CLEC16A: variants seen among roughly 807,000 people sequenced by gnomAD.
CLEC16A encodes protein CLEC16A.
CLEC16A carries 51 observed loss-of-function variants against 109.5 expected under a neutral mutation model. The observed-to-expected ratio is 0.47, with a 90% CI of 0.37 to 0.59. The LOEUF (loss-of-function observed/expected upper bound fraction) is 0.59, where lower values mean the gene tolerates loss of function less well. CLEC16A is among the 20% of genes least tolerant of loss of function. The pLI is 0.00. For synonymous variants in CLEC16A, 673 were observed against 564.2 expected (o/e 1.19, Z -2.73); for missense variants, 1,339 against 1,394.0 (o/e 0.96, Z 0.63).
intron 10 of CLEC16A, among the ~76,000 whole-genome samples, chr16:10,993,761 G>T (rs1254301170): frequency 6.6e-6 from 1 of 152,170 alleles, no homozygotes; most frequent in Non-Finnish European, 1.5e-5. Context: ...AGTGTGAGAT[G>T]CCTCATTTTG....
rs199750108 is a variant in CLEC16A at position 11,051,599 on chromosome 16, C to A, written c.1953C>A (p.Phe651Leu). ...PTGTPLTGIDFVKRLPCGDVE... is the reference protein window; with the variant it reads ...PTGTPLTGIDLVKRLPCGDVE... ...GCACGCCACTGACGGGCATTGACTT[C>A]GTGAAGCGGCTGCCGTGTGGCGATG... The change falls in exon 18 of 24, where the codon TTC becomes TTA. Residue 651 changes from phenylalanine (F) to leucine (L), a missense_variant. Phe to Leu is a conservative substitution (Grantham distance 22, BLOSUM62 0). Around this residue, in one of 3 missense-constraint regions of CLEC16A, gnomAD observed 1,061 missense variants for 1,006.8 expected, o/e 1.05. Transcript: ENST00000409790. 2.5e-6 allele frequency: 4 copies of A among 1,614,048 alleles called. No individual in the cohort carries two copies. Among genetic ancestry groups the A allele is most frequent in the Non-Finnish European group, 3.4e-6 (4 of 1,179,892 alleles).
intron 5 of CLEC16A, 77 bp downstream of exon 5, chr16:10,971,307 C>T (rs1010955983): frequency 2.8e-6 from 3 of 1,071,276 alleles, no homozygotes; most frequent in Non-Finnish European, 4.2e-6. Flanking sequence ...TGTGTGCGTA[C>T]AGTTCTCCGA....
intron 1 of CLEC16A, among the ~76,000 whole-genome samples, chr16:10,946,309 G>C (rs1050566465): frequency 6.6e-6 from 1 of 152,204 alleles, no homozygotes; most frequent in Admixed American, 6.5e-5. Flanking sequence ...CCCCGGGAGT[G>C]GGGTAGGGGT....
intron 22 of CLEC16A, among the ~76,000 whole-genome samples, chr16:11,129,182 A>G (rs1433182407): frequency 1.3e-5 from 2 of 152,240 alleles, no homozygotes; most frequent in Admixed American, 6.5e-5. Context: ...CTTAAAAAGT[A>G]TTACAGAACT....
At chr16:11,050,892 C>T (rs1211172914) in intron 17 of CLEC16A, among the ~76,000 whole-genome samples, 1 of 152,188 alleles carries the variant, frequency 6.6e-6, no homozygotes, top group Non-Finnish European at 1.5e-5. Context: ...AAACATTGGT[C>T]CTAGGGTGGG....
chr16:11,107,590 A>G (rs1433857614), intron 19 of CLEC16A, among the ~76,000 whole-genome samples: 1 of 152,130 alleles, frequency 6.6e-6, no homozygotes, highest in African/African-American at 2.4e-5. Context: ...AGTGTCCTGG[A>G]TTATGAAGTC....
intron 19 of CLEC16A, among the ~76,000 whole-genome samples, chr16:11,093,176 T>C (rs945275243): frequency 5.3e-5 from 8 of 152,208 alleles, no homozygotes; most frequent in African/African-American, 1.2e-4. Context: ...TCATCTCTTA[T>C]GAATTCAGCT....
rs757475052 is a variant in CLEC16A, at chr16:10,979,309, C to T, written c.904-20C>T. The T allele has an allele frequency of 1.2e-6, 2 of 1,608,842 alleles. No homozygotes were observed. ...TGTGTGACCTGATCTCTCTCTCTCT[C>T]TCCTGCCACCCTGCACTAGGGAGGA... On this transcript the variant is annotated intron_variant, in intron 8 of 23. Coordinates refer to ENST00000409790, the MANE Select transcript of CLEC16A (RefSeq NM_015226.3).
intron 18 of CLEC16A, among the ~76,000 whole-genome samples, chr16:11,058,867 C>T (rs2048342318): frequency 1.3e-5 from 2 of 152,202 alleles, no homozygotes; most frequent in Admixed American, 1.3e-4. Flanking sequence ...AAATGAGCGT[C>T]TCCTTGACTT....
At chr16:11,126,298 C>T (rs961318531) in intron 22 of CLEC16A, 152 bp downstream of exon 22, 13 of 1,536,744 alleles carry the variant, frequency 8.5e-6, no homozygotes, top group African/African-American at 2.8e-5. Flanking sequence ...CAAAGCACAG[C>T]GCAAGATTAA....
At chr16:11,077,963 ACGTGTGTGT>A (rs892014718) in intron 19 of CLEC16A, among the ~76,000 whole-genome samples, 5 of 122,136 alleles carry the variant, frequency 4.1e-5, no homozygotes, top group African/African-American at 1.4e-4. Context: ...ACAAAAAAAA[ACGTGTGTGT>A]GTGTGTGTGT....
At chr16:11,111,391 C>T (rs911078629) in intron 19 of CLEC16A, among the ~76,000 whole-genome samples, 4 of 152,176 alleles carry the variant, frequency 2.6e-5, no homozygotes, top group Non-Finnish European at 5.9e-5. Flanking sequence ...GGCTTCCTCA[C>T]AACATGGTGG....
At chr16:10,967,965 C>G (rs1029175735) in intron 3 of CLEC16A, among the ~76,000 whole-genome samples, 3 of 152,246 alleles carry the variant, frequency 2.0e-5, no homozygotes, top group African/African-American at 7.2e-5. Context: ...GCCCAAGATC[C>G]TACAGGTCTG....
chr16:11,012,307 A>T (rs886075155), intron 11 of CLEC16A, among the ~76,000 whole-genome samples: 1 of 152,186 alleles, frequency 6.6e-6, no homozygotes, highest in Non-Finnish European at 1.5e-5. Context: ...CTTAAGAAAG[A>T]TTTATGGGCC....
intron 19 of CLEC16A, among the ~76,000 whole-genome samples, chr16:11,092,456 G>A (rs564236067): frequency 9.2e-5 from 14 of 151,586 alleles, no homozygotes; most frequent in Admixed American, 2.0e-4. Flanking sequence ...AGGCTGAGGC[G>A]GGAGGATCAC....
intron 13 of CLEC16A, chr16:11,027,349 G>C: frequency 7.1e-7 from 1 of 1,413,778 alleles, no homozygotes; most frequent in Non-Finnish European, 9.9e-7. Flanking sequence ...ACCATTGCAA[G>C]ACTTTGCCTA....
At chr16:11,015,011 A>G (rs930993352) in intron 11 of CLEC16A, among the ~76,000 whole-genome samples, 5 of 152,180 alleles carry the variant, frequency 3.3e-5, no homozygotes, top group South Asian at 2.1e-4. Context: ...CCTGCTACCA[A>G]CTGGTCCCAT....
chr16:11,164,938 G>C (rs544936341), intron 22 of CLEC16A, among the ~76,000 whole-genome samples: 1 of 152,334 alleles, frequency 6.6e-6, no homozygotes, highest in South Asian at 2.1e-4. Flanking sequence ...TCCAGGGCTG[G>C]CTGTGGTGAA....
chr16:11,096,481 C>G (rs79609607), intron 19 of CLEC16A, among the ~76,000 whole-genome samples: 2,130 of 152,226 alleles, frequency 0.014, 42 homozygotes, highest in African/African-American at 0.041. Flanking sequence ...GGGAGGAATA[C>G]AGACCATTGA....
Sources: allele counts gnomAD v4.1 joint callset (sites outside exome capture counted in the v4.1 genomes callset), GRCh38; gene constraint gnomAD v4.1.1; regional missense constraint gnomAD v4.1.1; transcripts MANE v1.5; gene names NCBI Gene and HGNC (gene_info 2026-07-23, HGNC 2026-07-21).